Variants in OLFM3 observed in about 807,000 individuals in gnomAD.
OLFM3 encodes olfactomedin 3, also known as noelin-3.
A neutral mutation model predicts 48.6 loss-of-function variants in OLFM3; 20 were observed. The observed-to-expected ratio is 0.41, with a 90% CI of 0.29 to 0.60. The LOEUF is 0.60. Among genes scored for constraint, OLFM3 ranks in the 20% least tolerant of loss-of-function variants. The pLI is 0.28. For missense variants in OLFM3, 437 were observed against 544.3 expected, an observed-to-expected ratio of 0.80 and a Z score of 1.96; for synonymous variants, 222 against 198.1, an observed-to-expected ratio of 1.12 and a Z score of -1.01.
chr1:101,906,015 T>G (rs1316999023), intron 1 of OLFM3, among the ~76,000 whole-genome samples: 3 of 152,160 alleles, frequency 2.0e-5, no homozygotes, highest in Admixed American at 6.5e-5. Context: ...TCTCTTCCCT[T>G]TTTTAAGAAA....
At chr1:101,864,351 C>T (rs1202561863) in intron 1 of OLFM3, among the ~76,000 whole-genome samples, 4 of 152,134 alleles carry the variant, frequency 2.6e-5, no homozygotes, top group South Asian at 4.1e-4. Flanking sequence ...ACATGTGTTG[C>T]CTGTGTTACT....
At chr1:101,960,013 G>T (rs983366890) in intron 1 of OLFM3, among the ~76,000 whole-genome samples, 1 of 152,082 alleles carries the variant, frequency 6.6e-6, no homozygotes, top group Admixed American at 6.6e-5. Flanking sequence ...GGATAAAAGT[G>T]TTTCTTTTGC....
chr1:101,971,342 T>C (rs538597511), intron 1 of OLFM3, among the ~76,000 whole-genome samples: 10 of 152,308 alleles, frequency 6.6e-5, no homozygotes, highest in African/African-American at 2.4e-4. Context: ...GCATTGGAAT[T>C]TGGGGTGGCC....
chr1:101,836,736 C>T (rs1453996399), intron 2 of OLFM3, 143 bp downstream of exon 2: 18 of 796,914 alleles, frequency 2.3e-5, no homozygotes, highest in Non-Finnish European at 3.6e-5. Context: ...GTAACCCTTT[C>T]AAGGATCAGA....
intron 1 of OLFM3, among the ~76,000 whole-genome samples, chr1:101,976,549 G>A (rs1314091698): frequency 6.6e-6 from 1 of 152,124 alleles, no homozygotes; most frequent in African/African-American, 2.4e-5. Flanking sequence ...GTCTTGCTGT[G>A]TTTTAGATAC....
intron 3 of OLFM3, among the ~76,000 whole-genome samples, chr1:101,829,954 C>A (rs1328317551): frequency 6.6e-6 from 1 of 152,054 alleles, no homozygotes; most frequent in African/African-American, 2.4e-5. Context: ...CCTGCCTCAG[C>A]CTCCCGAGTA....
intron 1 of OLFM3, among the ~76,000 whole-genome samples, chr1:101,907,790 AG>A (rs1373817962): frequency 2.0e-5 from 3 of 152,178 alleles, no homozygotes; most frequent in Non-Finnish European, 4.4e-5. Flanking sequence ...TTTTTGCAAA[AG>A]GCGAAAGGTA....
intron 1 of OLFM3, among the ~76,000 whole-genome samples, chr1:101,922,219 A>G (rs894597299): frequency 6.6e-6 from 1 of 152,194 alleles, no homozygotes; most frequent in African/African-American, 2.4e-5. Flanking sequence ...TTCATCTTTA[A>G]TACTAACAAT....
intron 1 of OLFM3, among the ~76,000 whole-genome samples, chr1:101,889,094 C>T (rs558625362): frequency 6.6e-6 from 1 of 152,124 alleles, no homozygotes; most frequent in Non-Finnish European, 1.5e-5. Flanking sequence ...GACAGTGTGG[C>T]GATTCCTCAA....
intron 1 of OLFM3, among the ~76,000 whole-genome samples, chr1:101,841,496 A>G (rs1347973144): frequency 3.9e-5 from 6 of 152,234 alleles, no homozygotes; most frequent in Non-Finnish European, 8.8e-5. Context: ...AAACACTGCT[A>G]TAGAGAAGAC....
At chr1:101,867,496 A>G (rs1445538734) in intron 1 of OLFM3, among the ~76,000 whole-genome samples, 4 of 152,208 alleles carry the variant, frequency 2.6e-5, no homozygotes, top group Non-Finnish European at 5.9e-5. Context: ...TCCAAAGTCA[A>G]TCTAGACTAG....
chr1:101,812,515 T>C (rs1654116649), intron 4 of OLFM3: 1 of 985,378 alleles, frequency 1.0e-6, no homozygotes, highest in South Asian at 4.7e-5. Flanking sequence ...CATAATCCGA[T>C]GTTGATTAGT....
intron 1 of OLFM3, among the ~76,000 whole-genome samples, chr1:101,886,422 T>C (rs1377729121): frequency 1.3e-5 from 2 of 151,930 alleles, no homozygotes; most frequent in Non-Finnish European, 2.9e-5. Context: ...GGTAGGTAGG[T>C]GGAGGGTGAT....
At chr1:101,970,716 C>T (rs1660758321) in intron 1 of OLFM3, among the ~76,000 whole-genome samples, 1 of 152,126 alleles carries the variant, frequency 6.6e-6, no homozygotes, top group South Asian at 2.1e-4. Flanking sequence ...GTAATGATTT[C>T]CCCAAATACA....
chr1:101,856,580 G>C (rs1656417951), intron 1 of OLFM3, among the ~76,000 whole-genome samples: 2 of 151,910 alleles, frequency 1.3e-5, no homozygotes, highest in Non-Finnish European at 2.9e-5. Flanking sequence ...AAATCAAATA[G>C]CTGATTTTTT....
chr1:101,968,269 C>T (rs1193458197), intron 1 of OLFM3, among the ~76,000 whole-genome samples: 1 of 152,154 alleles, frequency 6.6e-6, no homozygotes, highest in Non-Finnish European at 1.5e-5. Context: ...CCCATCACAT[C>T]CTTTTTACAA....
At chr1:101,905,791 C>T (rs1285480770) in intron 1 of OLFM3, among the ~76,000 whole-genome samples, 1 of 152,068 alleles carries the variant, frequency 6.6e-6, no homozygotes, top group Admixed American at 6.6e-5. Flanking sequence ...AAACACACAC[C>T]GATTGGCCCA....
At position 101,967,305 on chromosome 1, in the gene OLFM3, C is replaced by CA. The variant is rs145128808; in HGVS notation, c.69+29442dup. 1.5e-4 allele frequency among the ~76,000 whole-genome samples: 8 copies of CA among 53,258 alleles called. No individual in the cohort carries two copies. In the South Asian group the frequency reaches 4.9e-3, roughly 33 times the overall value. 34.9% of individuals were successfully genotyped at this position (53,258 alleles called of 152,430 possible). On this transcript the variant is annotated intron_variant, in intron 1 of 5. Transcript: ENST00000370103. ...TTCTCATTTCATTTTGGCCAAAAAA[C>CA]AAAAAAAACAAATACCATGACCCCT...
chr1:101,816,917 T>C (rs2100880924), intron 4 of OLFM3, among the ~76,000 whole-genome samples: 1 of 152,254 alleles, frequency 6.6e-6, no homozygotes, highest in Admixed American at 6.5e-5. Context: ...AAATGGTTAT[T>C]GATTTCCTAA....
Sources: gnomAD v4.1 joint callset for allele counts (sites outside exome capture counted in the v4.1 genomes callset) on GRCh38, gnomAD v4.1.1 for gene constraint, MANE v1.5 for transcripts, NCBI Gene and HGNC (gene_info 2026-07-23, HGNC 2026-07-21) for gene names.